PLEKHA1: variants seen among roughly 807,000 people sequenced by gnomAD.
PLEKHA1 encodes the protein pleckstrin homology domain-containing family A member 1.
In PLEKHA1, 34 loss-of-function variants were observed where a neutral mutation model predicts 52.0. The observed-to-expected ratio is 0.65, with a 90% CI of 0.50 to 0.87. PLEKHA1 has a LOEUF of 0.87. PLEKHA1 is among the 40% of genes least tolerant of loss of function. The pLI is 0.00. For missense variants in PLEKHA1, 497 were observed against 504.2 expected, an observed-to-expected ratio of 0.99 and a Z score of 0.14; for synonymous variants, 163 against 170.7, an observed-to-expected ratio of 0.95 and a Z score of 0.35.
chr10:122,433,983 C>T (rs901725296), downstream of PLEKHA1: 1 of 152,148 alleles, frequency 6.6e-6, no homozygotes, highest in Non-Finnish European at 1.5e-5. Context: ...CCAAAAGTGC[C>T]ATTGCGTGTG....
At chr10:122,427,057 T>TA in intron 11 of PLEKHA1, 26 bp downstream of exon 11, 2 of 1,583,422 alleles carry the variant, frequency 1.3e-6, no homozygotes, top group Non-Finnish European at 1.7e-6. Flanking sequence ...TCTGGGGTGA[T>TA]ACTCCCTTGC....
intron 1 of PLEKHA1, among the ~76,000 whole-genome samples, chr10:122,376,909 G>C (rs1366847214): frequency 6.6e-6 from 1 of 152,206 alleles, no homozygotes; most frequent in East Asian, 1.9e-4. Context: ...CTCCTAGGAA[G>C]ATACTTGGGA....
chr10:122,405,330 T>C (rs1468087843), intron 4 of PLEKHA1, among the ~76,000 whole-genome samples: 5 of 152,016 alleles, frequency 3.3e-5, no homozygotes, highest in African/African-American at 1.2e-4. Context: ...TGATCAAAAA[T>C]ACTGTTAAAG....
At chr10:122,436,993 C>CATT (rs370102573), downstream of PLEKHA1, 66 of 84,846 alleles carry the variant, frequency 7.8e-4, no homozygotes, top group African/African-American at 2.9e-3. Flanking sequence ...TTACATCAGC[C>CATT]TTTTTTTTTT....
chr10:122,380,834 C>T (rs1043348166), intron 1 of PLEKHA1, among the ~76,000 whole-genome samples: 16 of 152,108 alleles, frequency 1.1e-4, no homozygotes, highest in Non-Finnish European at 2.2e-4. Context: ...TTAAAATTCC[C>T]AGGTAATTCT....
chr10:122,423,899 C>T (rs569209478), intron 8 of PLEKHA1: 16 of 312,836 alleles, frequency 5.1e-5, no homozygotes, highest in Non-Finnish European at 8.5e-5. Flanking sequence ...TACGTGGGTC[C>T]GTCGGGGAAA....
At chr10:122,428,362 C>G (rs754494099) in intron 11 of PLEKHA1, 2 of 1,544,226 alleles carry the variant, frequency 1.3e-6, no homozygotes, top group Admixed American at 2.0e-5. Context: ...TGGGCTCTCA[C>G]GCAAACGTGC....
At chr10:122,406,428 T>G in intron 4 of PLEKHA1, 148 bp from the exon 5 acceptor site, 1 of 661,014 alleles carries the variant, frequency 1.5e-6, no homozygotes, top group Non-Finnish European at 2.7e-6. Flanking sequence ...TATTGTGTGA[T>G]AAAAGCTGTA....
At chr10:122,414,743 A>T (rs2097150424) in intron 6 of PLEKHA1, among the ~76,000 whole-genome samples, 1 of 152,188 alleles carries the variant, frequency 6.6e-6, no homozygotes, top group Non-Finnish European at 1.5e-5. Flanking sequence ...TAAGAGCACA[A>T]TAAAAGATCA....
chr10:122,431,600 A>G lies in PLEKHA1; in HGVS notation c.*1662A>G, dbSNP rs2097417565. Reference sequence around the variant, plus strand: ...AGATGACTTCTTGTCTGAGACAGAAAAATTTCCTACTACAGCAGTGCAGTC... The same window carrying G: ...AGATGACTTCTTGTCTGAGACAGAAGAATTTCCTACTACAGCAGTGCAGTC... On this transcript the variant is annotated 3_prime_UTR_variant, in exon 12 of 12. Coordinates refer to ENST00000368990, the MANE Select transcript of PLEKHA1 (RefSeq NM_001001974.4). 1 of 152,648 alleles carries G rather than the reference A, an allele frequency of 6.6e-6. No homozygotes were observed. Among genetic ancestry groups the G allele is most frequent in the Admixed American group, 6.5e-5 (1 of 15,286 alleles). The allele number at this position is 152,648 out of a possible 1,614,324, so 9.5% of individuals were successfully genotyped here.
At chr10:122,394,276 G>A (rs11596594) in intron 2 of PLEKHA1, among the ~76,000 whole-genome samples, 20,006 of 151,586 alleles carry the variant, frequency 0.13, 1,526 homozygotes, top group Middle Eastern at 0.19. Flanking sequence ...GGGTTTTTCC[G>A]TCTTGGCCAG....
intron 2 of PLEKHA1, among the ~76,000 whole-genome samples, chr10:122,394,106 C>CTCAT (rs1398013552): frequency 1.7e-5 from 1 of 58,712 alleles, no homozygotes; most frequent in Non-Finnish European, 4.4e-5. Context: ...GAGATGGAGT[C>CTCAT]TCTTATCACC....
intron 10 of PLEKHA1, among the ~76,000 whole-genome samples, chr10:122,426,013 C>T (rs1346667642): frequency 6.6e-6 from 1 of 152,080 alleles, no homozygotes; most frequent in African/African-American, 2.4e-5. Flanking sequence ...AGAACTGCAC[C>T]ATACTCCATT....
intron 1 of PLEKHA1, among the ~76,000 whole-genome samples, chr10:122,386,329 C>T (rs1471622726): frequency 1.3e-5 from 2 of 149,886 alleles, no homozygotes; most frequent in South Asian, 4.2e-4. Context: ...TTACCATTTT[C>T]GTATTTGGTT....
At chr10:122,406,046 A>G (rs1013470713) in intron 4 of PLEKHA1, among the ~76,000 whole-genome samples, 10 of 152,188 alleles carry the variant, frequency 6.6e-5, no homozygotes, top group African/African-American at 2.4e-4. Context: ...TTTGAAAACT[A>G]GAAACTAGAG....
chr10:122,399,775 C>T lies in PLEKHA1; in HGVS notation c.199-568C>T, dbSNP rs558256351. On this transcript the variant is annotated intron_variant, in intron 3 of 11. Transcript: ENST00000368990. ...TTTTTTTTTGTATTTTTAGTAGAGA[C>T]GGGGTTTCACCGTGTTGGCCAGGAT... 5.3e-5 allele frequency among the ~76,000 whole-genome samples: 8 copies of T among 151,992 alleles called. No individual in the cohort carries two copies. In the East Asian group the frequency reaches 1.4e-3, roughly 26 times the overall value.
chr10:122,440,164 G>A, the PLEKHA1 span: 1 of 152,126 alleles, frequency 6.6e-6, no homozygotes, highest in Non-Finnish European at 1.5e-5. Flanking sequence ...GTAACAGGAG[G>A]CCATCCAAAT....
At chr10:122,375,738 G>T (rs2096524846) in intron 1 of PLEKHA1, among the ~76,000 whole-genome samples, 1 of 152,184 alleles carries the variant, frequency 6.6e-6, no homozygotes, top group Non-Finnish European at 1.5e-5. Context: ...TTTGCTCTCT[G>T]GGGGCAGTAC....
intron 6 of PLEKHA1, among the ~76,000 whole-genome samples, chr10:122,414,023 A>AT (rs2097141512): frequency 6.6e-6 from 1 of 152,096 alleles, no homozygotes; most frequent in Non-Finnish European, 1.5e-5. Context: ...TGCTTGGCAA[A>AT]GGGTATGTTA....
Sources: allele counts gnomAD v4.1 joint callset (sites outside exome capture counted in the v4.1 genomes callset), GRCh38; gene constraint gnomAD v4.1.1; transcripts MANE v1.5; gene names NCBI Gene and HGNC (gene_info 2026-07-23, HGNC 2026-07-21).